LCORL: variants seen among roughly 807,000 people sequenced by gnomAD.
The protein encoded by LCORL is ligand-dependent nuclear receptor corepressor-like protein.
A neutral mutation model predicts 141.8 loss-of-function variants in LCORL; 41 were observed. The ratio of observed to expected loss-of-function variants is 0.29; its 90% CI spans 0.23 to 0.38. The LOEUF (loss-of-function observed/expected upper bound fraction) is 0.38, where lower values mean the gene tolerates loss of function less well. Ranked by LOEUF, LCORL falls within the 10% of genes least tolerant of loss-of-function variation. LCORL has a pLI of 1.00. For missense variants in LCORL, 1,759 were observed against 2,035.0 expected, an observed-to-expected ratio of 0.86 and a Z score of 2.61; for synonymous variants, 618 against 694.1, an observed-to-expected ratio of 0.89 and a Z score of 1.72.
At chr4:17,928,213 C>T (rs1735467332) in intron 4 of LCORL, among the ~76,000 whole-genome samples, 1 of 152,062 alleles carries the variant, frequency 6.6e-6, no homozygotes, top group South Asian at 2.1e-4. Context: ...TTGAGATCAG[C>T]CTGGGCAGTA....
rs1197995519 is a variant in LCORL at position 17,897,233 on chromosome 4, T to C, written c.683-11072A>G. On this transcript the variant is annotated intron_variant, in intron 5 of 7. Coordinates refer to ENST00000635767, the Ensembl canonical transcript of LCORL. ...GATTTCTTTTTTTTTTTTTTTTTTT[T>C]TTTTTTTTTTTTTTTTTTAGGGTAT... 2.4e-4 allele frequency among the ~76,000 whole-genome samples: 33 copies of C among 135,128 alleles called. 1 individual carries two copies. Among genetic ancestry groups the C allele is most frequent in the South Asian group, 5.1e-4 (2 of 3,910 alleles). 88.6% of individuals were successfully genotyped at this position (135,128 alleles called of 152,430 possible).
chr4:18,007,699 C>T (rs765205450), intron 1 of LCORL, among the ~76,000 whole-genome samples: 3 of 152,020 alleles, frequency 2.0e-5, no homozygotes, highest in East Asian at 1.9e-4. Flanking sequence ...ACTGAAAATA[C>T]TATTATTCTT....
At chr4:17,949,005 ATAT>A (rs1056719629) in intron 4 of LCORL, among the ~76,000 whole-genome samples, 3 of 152,034 alleles carry the variant, frequency 2.0e-5, no homozygotes, top group Non-Finnish European at 4.4e-5. Context: ...GGTTTAACAG[ATAT>A]CTGGCTTTGT....
At chr4:17,883,056 A>C in intron 6 of LCORL, 1 of 977,706 alleles carries the variant, frequency 1.0e-6, no homozygotes, top group Non-Finnish European at 1.2e-6. Flanking sequence ...ATACCTTATA[A>C]ACCCCAACTT....
intron 4 of LCORL, among the ~76,000 whole-genome samples, chr4:17,954,899 G>A (rs1211986629): frequency 1.3e-5 from 2 of 152,168 alleles, no homozygotes; most frequent in African/African-American, 2.4e-5. Flanking sequence ...AGGTCATTGT[G>A]GGATGCCTAT....
At chr4:17,978,390 A>G (rs1717375985) in intron 1 of LCORL, among the ~76,000 whole-genome samples, 1 of 152,146 alleles carries the variant, frequency 6.6e-6, no homozygotes, top group African/African-American at 2.4e-5. Flanking sequence ...TGAGACCAAG[A>G]GTTTGAGACT....
At chr4:18,011,473 T>G (rs947237592) in intron 1 of LCORL, among the ~76,000 whole-genome samples, 4 of 152,058 alleles carry the variant, frequency 2.6e-5, no homozygotes, top group African/African-American at 9.7e-5. Flanking sequence ...AATTTCCTCC[T>G]TGTAGAAGCT....
At chr4:17,912,341 AC>A in intron 4 of LCORL, 3 of 672,416 alleles carry the variant, frequency 4.5e-6, no homozygotes, top group Non-Finnish European at 8.4e-6. Flanking sequence ...TTCATGAAGA[AC>A]CATGAAGAGG....
At chr4:17,905,763 A>G (rs2109313358) in intron 5 of LCORL, among the ~76,000 whole-genome samples, 1 of 152,248 alleles carries the variant, frequency 6.6e-6, no homozygotes, top group East Asian at 1.9e-4. Flanking sequence ...TCACCAAATA[A>G]ATAACTGGCT....
chr4:17,993,631 T>C (rs567487144), intron 1 of LCORL, among the ~76,000 whole-genome samples: 1 of 152,366 alleles, frequency 6.6e-6, no homozygotes, highest in Admixed American at 6.5e-5. Flanking sequence ...AGGAGCCTAG[T>C]TATGTTTTGC....
chr4:17,872,379 A>G (rs1230979079), intron 7 of LCORL, among the ~76,000 whole-genome samples: 1 of 152,152 alleles, frequency 6.6e-6, no homozygotes, highest in African/African-American at 2.4e-5. Context: ...GGCCACACAT[A>G]AAATACACTA....
chr4:17,973,805 A>T (rs1249179122), intron 1 of LCORL, among the ~76,000 whole-genome samples: 1 of 152,020 alleles, frequency 6.6e-6, no homozygotes, highest in Non-Finnish European at 1.5e-5. Context: ...AAACATTAAC[A>T]TCTCCAAAAT....
intron 2 of LCORL, among the ~76,000 whole-genome samples, chr4:17,963,353 T>C (rs1347338644): frequency 6.6e-6 from 1 of 152,038 alleles, no homozygotes; most frequent in Non-Finnish European, 1.5e-5. Flanking sequence ...CTTATCATTG[T>C]GCTTTAATTT....
At chr4:17,872,255 G>C (rs926105256) in intron 7 of LCORL, among the ~76,000 whole-genome samples, 1 of 151,918 alleles carries the variant, frequency 6.6e-6, no homozygotes. Context: ...TCAATAAGAA[G>C]AGCTGGAAAT....
Position 18,012,060 on chromosome 4 carries a change from T to C in LCORL, c.154+9538A>G, listed in dbSNP as rs1017941947. Among the ~76,000 whole-genome samples the C allele has an allele frequency of 4.6e-5, 7 of 152,214 alleles. No individual in the cohort carries two copies. In the South Asian group the frequency reaches 6.2e-4, roughly 13 times the overall value. ...CACAGTTCCTGTCTTTTCCATAAAA[T>C]AGAACTCCCACAAACACTTTTCACA... On this transcript the variant is annotated intron_variant, in intron 1 of 7. Transcript: ENST00000635767.
intron 1 of LCORL, among the ~76,000 whole-genome samples, chr4:17,998,997 T>C (rs1226961059): frequency 1.5e-5 from 1 of 64,914 alleles, no homozygotes; most frequent in African/African-American, 5.6e-5. Context: ...TATATATATA[T>C]ATATATACAC....
chr4:17,988,394 C>T (rs1719386594), intron 1 of LCORL, among the ~76,000 whole-genome samples: 1 of 152,116 alleles, frequency 6.6e-6, no homozygotes, highest in Admixed American at 6.5e-5. Context: ...GATCCAGCCT[C>T]CTGAGTAGCC....
chr4:17,908,123 C>T (rs1731949643), intron 5 of LCORL, among the ~76,000 whole-genome samples: 1 of 152,080 alleles, frequency 6.6e-6, no homozygotes, highest in Admixed American at 6.6e-5. Context: ...ACCTCTGCCT[C>T]CTGGATTCAA....
At position 17,942,937 on chromosome 4, in the gene LCORL, T is replaced by C. The variant is rs191998855; in HGVS notation, c.430+18966A>G. 2.4e-3 allele frequency among the ~76,000 whole-genome samples: 371 copies of C among 152,236 alleles called. 1 individual carries two copies. Among genetic ancestry groups the C allele is most frequent in the African/African-American group, 8.0e-3 (331 of 41,550 alleles). ...ATACTCATAGGAGAACCAACCCTAT[T>C]GTGAACTGTGCATGAGAGGAATCTA... On this transcript the variant is annotated intron_variant, in intron 4 of 7. Transcript: ENST00000635767.
Sources: gnomAD v4.1 joint callset for allele counts (sites outside exome capture counted in the v4.1 genomes callset) on GRCh38, gnomAD v4.1.1 for gene constraint, MANE v1.5 for transcripts, NCBI Gene and HGNC (gene_info 2026-07-23, HGNC 2026-07-21) for gene names.